GLG1: variants seen among roughly 807,000 people sequenced by gnomAD.
GLG1 encodes golgi glycoprotein 1, also known as Golgi apparatus protein 1.
A neutral mutation model predicts 160.5 loss-of-function variants in GLG1; 38 were observed. The ratio of observed to expected loss-of-function variants is 0.24; its 90% CI spans 0.18 to 0.31. The LOEUF is 0.31. GLG1 is among the 10% of genes least tolerant of loss of function. The pLI, the probability that GLG1 is intolerant of heterozygous loss-of-function variation, is 1.00. For synonymous variants in GLG1, 644 were observed against 543.4 expected, an observed-to-expected ratio of 1.19 and a Z score of -2.57; for missense variants, 1,373 against 1,505.2, an observed-to-expected ratio of 0.91 and a Z score of 1.45.
intron 6 of GLG1, among the ~76,000 whole-genome samples, chr16:74,494,412 T>C (rs1035879400): frequency 3.5e-5 from 5 of 141,764 alleles, no homozygotes; most frequent in Non-Finnish European, 7.7e-5. Flanking sequence ...GCTTTTTTTT[T>C]TTTTTTTTTT....
In GLG1 at chr16:74,503,606, T is replaced by G; in HGVS notation, c.699A>C (p.Leu233Phe). Residue 233 changes from leucine to phenylalanine, a missense_variant, in exon 4 of 26, where the codon TTA (leucine) becomes TTC (phenylalanine). Physicochemically the swap from Leu to Phe is conservative, Grantham distance 22. Transcript: ENST00000422840. The stretch of plus-strand genomic sequence containing the variant: ...TGCAGTCATCCATGAAGCCACAGAT[T>G]AAACGGTAATCACTAAAAATGATGG... ...MTAIIFSDYR[L>F]ICGFMDDCKN... 1 of 1,613,752 alleles carries G rather than the reference T, an allele frequency of 6.2e-7. No homozygotes were observed. The highest frequency in any genetic ancestry group is 8.5e-7 in the Non-Finnish European group (1 of 1,179,654).
In GLG1 at chr16:74,480,536, T is replaced by C. The variant is rs78137659; in HGVS notation, c.1674-142A>G. 4.9e-3 allele frequency: 2,747 copies of C among 561,234 alleles called. 48 individuals carry two copies. Among genetic ancestry groups the C allele is most frequent in the African/African-American group, 0.047 (2,463 of 51,928 alleles). The allele number at this position is 561,234 out of a possible 1,614,324, so 34.8% of individuals were successfully genotyped here. ...CGTGGAGACAGAAGATATGTAAAAG[T>C]ATATTCCTGAATTTTGTTCTTTTGT... On this transcript the variant is annotated intron_variant, in intron 10 of 25. Coordinates refer to ENST00000422840, the MANE Select transcript of GLG1 (RefSeq NM_001145667.2).
At chr16:74,558,486 T>C (rs1369379558) in intron 1 of GLG1, among the ~76,000 whole-genome samples, 1 of 152,256 alleles carries the variant, frequency 6.6e-6, no homozygotes, top group Non-Finnish European at 1.5e-5. Flanking sequence ...TTTAGGATTT[T>C]ATAATATTTG....
intron 1 of GLG1, among the ~76,000 whole-genome samples, chr16:74,598,344 ACC>A (rs1268246552): frequency 1.3e-5 from 2 of 151,718 alleles, no homozygotes; most frequent in African/African-American, 4.8e-5. Context: ...ACATGGTGAA[ACC>A]CCGTCTCTAC....
intron 2 of GLG1, among the ~76,000 whole-genome samples, chr16:74,528,340 G>C (rs1031231176): frequency 1.3e-5 from 2 of 151,972 alleles, no homozygotes; most frequent in African/African-American, 4.8e-5. Context: ...GCTGGATATA[G>C]AATTCCATGT....
chr16:74,522,017 A>T (rs1311567257), intron 2 of GLG1, among the ~76,000 whole-genome samples: 1 of 152,238 alleles, frequency 6.6e-6, no homozygotes, highest in Non-Finnish European at 1.5e-5. Flanking sequence ...CCGATTGGGC[A>T]TTTATAATTC....
chr16:74,559,894 A>G (rs1269304555), intron 1 of GLG1, among the ~76,000 whole-genome samples: 1 of 152,246 alleles, frequency 6.6e-6, no homozygotes, highest in Non-Finnish European at 1.5e-5. Context: ...GGAGAATTTT[A>G]GACTTAATGG....
chr16:74,523,854 A>G (rs1362553391), intron 2 of GLG1, among the ~76,000 whole-genome samples: 1 of 152,074 alleles, frequency 6.6e-6, no homozygotes. Flanking sequence ...TGGATTTTCT[A>G]TTTATATAAT....
chr16:74,485,726 T>G, intron 9 of GLG1, 70 bp downstream of exon 9: 2 of 1,438,832 alleles, frequency 1.4e-6, no homozygotes, highest in Non-Finnish European at 1.9e-6. Flanking sequence ...CAAAAGTCAT[T>G]TGAAGGAATG....
rs1302405444 is a variant in GLG1 at position 74,448,908 on chromosome 16, C to T, written c.*4259G>A. 6.6e-6 allele frequency: 1 copy of T among 152,128 alleles called. No homozygotes were observed. The highest frequency in any genetic ancestry group is 6.6e-5 in the Admixed American group (1 of 15,258). The allele number at this position is 152,128 out of a possible 1,614,324, so 9.4% of individuals were successfully genotyped here. A position where few individuals can be genotyped will look rare whatever the true frequency, so the allele number is the denominator to read the frequency against. ...ATGAGGTCAGGAGATGGAGACCATC[C>T]TGGACAACACGGTGAAACCCCGTCT... On this transcript the variant is annotated 3_prime_UTR_variant, in exon 26 of 26. Coordinates refer to ENST00000422840, the MANE Select transcript of GLG1 (RefSeq NM_001145667.2).
chr16:74,600,496 C>T (rs1567550855), intron 1 of GLG1, among the ~76,000 whole-genome samples: 1 of 151,998 alleles, frequency 6.6e-6, no homozygotes, highest in Admixed American at 6.6e-5. Context: ...CTTTGGGAGG[C>T]CAAGACAGGC....
Position 74,460,789 on chromosome 16 carries a change from C to A in GLG1, c.3037-1000G>T, listed in dbSNP as rs996293995. Among the ~76,000 whole-genome samples the A allele has an allele frequency of 7.2e-5, 11 of 152,332 alleles. 1 individual carries two copies. The South Asian group carries it at 2.1e-3, about 29-fold the overall frequency. ...GTAAACACTGAGACTTGAGTCAGATCTCAGGACTTGTCAAAAAGAAGGCTG... is the reference window on the plus strand; with the variant it reads ...GTAAACACTGAGACTTGAGTCAGATATCAGGACTTGTCAAAAAGAAGGCTG... On this transcript the variant is annotated intron_variant, in intron 22 of 25. Coordinates refer to ENST00000422840, the MANE Select transcript of GLG1 (RefSeq NM_001145667.2).
intron 14 of GLG1, among the ~76,000 whole-genome samples, chr16:74,471,937 CTCTGT>C (rs1343283529): frequency 6.8e-6 from 1 of 147,442 alleles, no homozygotes; most frequent in African/African-American, 2.5e-5. Flanking sequence ...CAGGGTCTCA[CTCTGT>C]TGCTTAGGCT....
chr16:74,499,328 G>A (rs1199062842), intron 4 of GLG1, among the ~76,000 whole-genome samples: 1 of 152,150 alleles, frequency 6.6e-6, no homozygotes, highest in African/African-American at 2.4e-5. Context: ...GCAGTCCCAA[G>A]CTCCTGGGCT....
intron 8 of GLG1, among the ~76,000 whole-genome samples, chr16:74,486,387 T>C (rs1196855736): frequency 6.6e-6 from 1 of 152,228 alleles, no homozygotes; most frequent in African/African-American, 2.4e-5. Flanking sequence ...CTGTGCTTTA[T>C]TAAAAGCAGA....
At chr16:74,475,867 T>C (rs2015375551) in intron 12 of GLG1, among the ~76,000 whole-genome samples, 1 of 152,038 alleles carries the variant, frequency 6.6e-6, no homozygotes, top group South Asian at 2.1e-4. Context: ...GTAAAATAAA[T>C]GGCTAAGAGA....
At chr16:74,568,809 G>A (rs916280315) in intron 1 of GLG1, among the ~76,000 whole-genome samples, 25 of 152,316 alleles carry the variant, frequency 1.6e-4, no homozygotes, top group African/African-American at 5.5e-4. Flanking sequence ...AAAAATAAGT[G>A]CAGTTATCTG....
At chr16:74,523,809 T>C (rs907357374) in intron 2 of GLG1, among the ~76,000 whole-genome samples, 1 of 152,216 alleles carries the variant, frequency 6.6e-6, no homozygotes, top group African/African-American at 2.4e-5. Flanking sequence ...TAAGTTCATC[T>C]GTTAAGTACT....
At chr16:74,506,050 A>C (rs1292000930) in intron 3 of GLG1, among the ~76,000 whole-genome samples, 31 of 129,492 alleles carry the variant, frequency 2.4e-4, no homozygotes, top group Admixed American at 7.0e-4. Context: ...AAAAAAAAAA[A>C]AGAGGGCCAG....
Sources: allele counts gnomAD v4.1 joint callset (sites outside exome capture counted in the v4.1 genomes callset), GRCh38; gene constraint gnomAD v4.1.1; transcripts MANE v1.5; gene names NCBI Gene and HGNC (gene_info 2026-07-23, HGNC 2026-07-21).